Variants in SLC39A9 observed in about 807,000 individuals in gnomAD.
SLC39A9 encodes solute carrier family 39 member 9.
Under a neutral mutation model 28.4 loss-of-function variants are expected in SLC39A9, and 14 were observed. The observed-to-expected ratio is 0.49, with a 90% CI of 0.33 to 0.77. The LOEUF is 0.77. SLC39A9 is among the 30% of genes least tolerant of loss of function. SLC39A9 has a pLI of 0.02. For synonymous variants in SLC39A9, 119 were observed against 149.6 expected (o/e 0.80, Z 1.49); for missense variants, 283 against 381.1 (o/e 0.74, Z 2.14).
intron 6 of SLC39A9, 109 bp downstream of exon 6, chr14:69,455,975 A>G: frequency 7.5e-7 from 1 of 1,325,708 alleles, no homozygotes; most frequent in Non-Finnish European, 1.0e-6. Flanking sequence ...AACTAAAGAT[A>G]AAATTAGGAG....
At chr14:69,412,435 A>G (rs538401659) in intron 1 of SLC39A9, among the ~76,000 whole-genome samples, 5 of 148,124 alleles carry the variant, frequency 3.4e-5, no homozygotes, top group East Asian at 2.0e-4. Flanking sequence ...ATAAATAAAT[A>G]AATGTATCTG....
In SLC39A9 at chr14:69,409,071, A is replaced by G. The variant is rs147591117; in HGVS notation, c.96+9606A>G. 3.5e-3 allele frequency among the ~76,000 whole-genome samples: 539 copies of G among 152,360 alleles called. 3 individuals carry two copies. Among genetic ancestry groups the G allele is most frequent in the African/African-American group, 0.013 (521 of 41,588 alleles). On this transcript the variant is annotated intron_variant, in intron 1 of 6. Coordinates refer to ENST00000336643, the MANE Select transcript of SLC39A9 (RefSeq NM_018375.5). Reference sequence around the variant, plus strand: ...TAGTAAGTACAAATCCCCTATTTATATAGGCTTTAATTAAATTAACAATTT... The same window carrying G: ...TAGTAAGTACAAATCCCCTATTTATGTAGGCTTTAATTAAATTAACAATTT...
chr14:69,448,951 A>G (rs374934565), intron 3 of SLC39A9, among the ~76,000 whole-genome samples: 2 of 152,190 alleles, frequency 1.3e-5, no homozygotes, highest in African/African-American at 4.8e-5. Flanking sequence ...CAAAATGTTA[A>G]TCAATATATT....
chr14:69,437,732 G>A (rs1387259677), intron 2 of SLC39A9, among the ~76,000 whole-genome samples: 1 of 151,762 alleles, frequency 6.6e-6, no homozygotes, highest in Non-Finnish European at 1.5e-5. Flanking sequence ...GGGATTATAG[G>A]TGCCTGCCAT....
In SLC39A9 at chr14:69,458,505, G is replaced by A; in HGVS notation, c.836G>A (p.Gly279Glu). Residue 279 changes from glycine to glutamate, a missense_variant, in exon 7 of 7, where the codon GGA becomes GAA. Gly to Glu is a moderately conservative substitution (Grantham distance 98). Transcript: ENST00000336643. Reference protein sequence around the residue: ...IGHSHKPDATGGRGLSRLEVA... With the variant: ...IGHSHKPDATEGRGLSRLEVA... The stretch of plus-strand genomic sequence containing the variant: ...CACAGCCACAAGCCCGATGCCACGG[G>A]AGGGAGAGGCCTCAGCCGCCTGGAA... 4.3e-6 allele frequency: 7 copies of A among 1,614,264 alleles called. No individual in the cohort carries two copies. Among genetic ancestry groups the A allele is most frequent in the Non-Finnish European group, 5.9e-6 (7 of 1,180,040 alleles).
chr14:69,423,029 A>G (rs1169711552), intron 1 of SLC39A9, among the ~76,000 whole-genome samples: 2 of 152,232 alleles, frequency 1.3e-5, no homozygotes, highest in East Asian at 3.8e-4. Context: ...ATTGATGTCT[A>G]AATACATTTT....
chr14:69,436,990 C>T (rs1173442825), intron 2 of SLC39A9, among the ~76,000 whole-genome samples: 1 of 152,144 alleles, frequency 6.6e-6, no homozygotes, highest in Non-Finnish European at 1.5e-5. Context: ...GCCTCAGCCT[C>T]CCGAGTAGCT....
chr14:69,454,188 G>A (rs2139452942), intron 4 of SLC39A9, among the ~76,000 whole-genome samples: 1 of 152,300 alleles, frequency 6.6e-6, no homozygotes, highest in Middle Eastern at 3.4e-3. Flanking sequence ...AGTATAATAT[G>A]CTTTTCTAAC....
At chr14:69,419,480 G>T (rs1440390817) in intron 1 of SLC39A9, among the ~76,000 whole-genome samples, 1 of 152,212 alleles carries the variant, frequency 6.6e-6, no homozygotes, top group Non-Finnish European at 1.5e-5. Context: ...ATATTCTGTT[G>T]ATTTGGGGTG....
chr14:69,403,913 C>T (rs757836440), intron 1 of SLC39A9, among the ~76,000 whole-genome samples: 3 of 152,058 alleles, frequency 2.0e-5, no homozygotes, highest in South Asian at 2.1e-4. Context: ...CGTGGTGGCA[C>T]GTGCCTGTAA....
At chr14:69,446,894 AAG>A (rs1465088897) in intron 3 of SLC39A9, among the ~76,000 whole-genome samples, 5 of 145,938 alleles carry the variant, frequency 3.4e-5, no homozygotes, top group Non-Finnish European at 7.6e-5. Flanking sequence ...AAAAAAGAAA[AAG>A]AAAAAAAAAT....
Position 69,460,530 on chromosome 14 carries a change from A to G in SLC39A9, c.*1937A>G. The G allele has an allele frequency of 1.0e-6, 1 of 985,284 alleles. No individual in the cohort carries two copies. Among genetic ancestry groups the G allele is most frequent in the Non-Finnish European group, 1.2e-6 (1 of 829,884 alleles). 61.0% of individuals were successfully genotyped at this position (985,284 alleles called of 1,614,324 possible). On this transcript the variant is annotated 3_prime_UTR_variant, in exon 7 of 7. Transcript: ENST00000336643. ...TCTCTCTGGAAACTGACTTTGTCAA[A>G]TAAATAGCAGATTGTAGTGTCTGGT... is the stretch of plus-strand genomic sequence containing the variant.
At chr14:69,420,360 G>A (rs1258003023) in intron 1 of SLC39A9, among the ~76,000 whole-genome samples, 2 of 152,222 alleles carry the variant, frequency 1.3e-5, no homozygotes, top group Non-Finnish European at 2.9e-5. Flanking sequence ...TTTCTGCTGA[G>A]AGATACGCTG....
chr14:69,405,832 CATA>C, intron 1 of SLC39A9, among the ~76,000 whole-genome samples: 1 of 152,128 alleles, frequency 6.6e-6, no homozygotes, highest in Admixed American at 6.6e-5. Flanking sequence ...GACTTATCTG[CATA>C]ATAATATTAA....
chr14:69,423,849 G>A (rs934901866), intron 1 of SLC39A9, among the ~76,000 whole-genome samples: 2 of 147,074 alleles, frequency 1.4e-5, no homozygotes, highest in Non-Finnish European at 3.0e-5. Context: ...AGTGAGCCGA[G>A]ACCACGCCAC....
At chr14:69,439,980 T>G (rs1242619003) in intron 2 of SLC39A9, among the ~76,000 whole-genome samples, 1 of 152,086 alleles carries the variant, frequency 6.6e-6, no homozygotes, top group Non-Finnish European at 1.5e-5. Flanking sequence ...TTAAAGAGGT[T>G]TAGTTGACTC....
chr14:69,451,862 T>A (rs1277533038), intron 3 of SLC39A9, among the ~76,000 whole-genome samples: 2 of 152,172 alleles, frequency 1.3e-5, no homozygotes, highest in African/African-American at 2.4e-5. Flanking sequence ...ACTACAGGCA[T>A]GCACCACCAC....
Position 69,441,308 on chromosome 14 carries a change from T to G in SLC39A9, c.206-761T>G, listed in dbSNP as rs374494973. The stretch of plus-strand genomic sequence containing the variant: ...AATTTTTAAAGAAGGCTTAAACTGC[T>G]TAATCTGATTATAAATGATAAATGT... On this transcript the variant is annotated intron_variant, in intron 2 of 6. Transcript: ENST00000336643. 2.3e-4 allele frequency among the ~76,000 whole-genome samples: 35 copies of G among 152,340 alleles called. No individual in the cohort carries two copies. In the East Asian group the frequency reaches 6.6e-3, roughly 29 times the overall value.
chr14:69,451,301 C>T (rs1195817263), intron 3 of SLC39A9, among the ~76,000 whole-genome samples: 3 of 152,144 alleles, frequency 2.0e-5, no homozygotes, highest in African/African-American at 4.8e-5. Flanking sequence ...GTATGCTGGA[C>T]TCCTAAGAAG....
Sources: gnomAD v4.1 joint callset for allele counts (sites outside exome capture counted in the v4.1 genomes callset) on GRCh38, gnomAD v4.1.1 for gene constraint, MANE v1.5 for transcripts, NCBI Gene and HGNC (gene_info 2026-07-23, HGNC 2026-07-21) for gene names.